The following OR10J1 variants were observed in gnomAD, a reference collection of about 807,000 sequenced individuals.
The protein encoded by OR10J1 is olfactory receptor 10J1.
For synonymous variants in OR10J1, 202 were observed against 143.8 expected, an observed-to-expected ratio of 1.40 and a Z score of -2.89; for missense variants, 474 against 376.6, an observed-to-expected ratio of 1.26 and a Z score of -2.14.
chr1:159,398,197 AG>A, the OR10J1 span, among the ~76,000 whole-genome samples: 1 of 152,192 alleles, frequency 6.6e-6, no homozygotes. Flanking sequence ...TATTGGGCTT[AG>A]GGTGACCCCT....
In OR10J1 at chr1:159,440,010, T is replaced by TA; in HGVS notation, c.220dup (p.Thr74AsnfsTer38). The TA allele has an allele frequency of 6.2e-7, 1 of 1,614,176 alleles. No individual in the cohort carries two copies. Among genetic ancestry groups the TA allele is most frequent in the Non-Finnish European group, 8.5e-7 (1 of 1,180,028 alleles). ...TGCTGTCCACTTCAGAGACTGTATA[T>TA]ACATTGGTCATTCTCCCAAGAATGC... On this transcript the variant is annotated frameshift_variant, in exon 1 of 1. Transcript: ENST00000423932. LOFTEE classifies it low-confidence loss of function (END_TRUNC).
At chr1:159,424,437 TATATAAATATGTAAATATATA>T in the OR10J1 span, among the ~76,000 whole-genome samples, 1 of 112,074 alleles carries the variant, frequency 8.9e-6, no homozygotes, top group Admixed American at 8.8e-5. Flanking sequence ...GTATGTATTA[TATATAAATATGTAAATATATA>T]ATATAAATAT....
At chr1:159,423,524 C>T in the OR10J1 span, among the ~76,000 whole-genome samples, 2 of 152,172 alleles carry the variant, frequency 1.3e-5, no homozygotes, top group Non-Finnish European at 2.9e-5. Context: ...CCCAGGATTG[C>T]ACATTTCTAA....
At chr1:159,397,590 A>G in the OR10J1 span, among the ~76,000 whole-genome samples, 2 of 152,094 alleles carry the variant, frequency 1.3e-5, no homozygotes, top group African/African-American at 4.8e-5. Context: ...TAGGCCTTAA[A>G]GGAATATTGA....
the OR10J1 span, among the ~76,000 whole-genome samples, chr1:159,417,688 G>A: frequency 1.3e-5 from 2 of 152,184 alleles, no homozygotes; most frequent in East Asian, 3.8e-4. Flanking sequence ...TTGGTACCAG[G>A]AGTAGGGTGC....
the OR10J1 span, among the ~76,000 whole-genome samples, chr1:159,421,246 G>T: frequency 6.6e-6 from 1 of 151,154 alleles, no homozygotes; most frequent in African/African-American, 2.4e-5. Flanking sequence ...ATTTCTGTTA[G>T]GTTCTTTTTT....
chr1:159,412,945 A>C, the OR10J1 span, among the ~76,000 whole-genome samples: 1 of 152,058 alleles, frequency 6.6e-6, no homozygotes, highest in Non-Finnish European at 1.5e-5. Flanking sequence ...TCATCTGACA[A>C]AGGGCTAATA....
the OR10J1 span, among the ~76,000 whole-genome samples, chr1:159,425,922 A>G: frequency 6.6e-6 from 1 of 152,050 alleles, no homozygotes; most frequent in Non-Finnish European, 1.5e-5. Context: ...AAAAGGCAAG[A>G]ATTATGTGTG....
the OR10J1 span, among the ~76,000 whole-genome samples, chr1:159,426,681 A>T: frequency 6.6e-6 from 1 of 151,888 alleles, no homozygotes; most frequent in Non-Finnish European, 1.5e-5. Context: ...TCTAAAGCTC[A>T]AACCTTCATA....
At chr1:159,419,924 G>A in the OR10J1 span, among the ~76,000 whole-genome samples, 25 of 152,158 alleles carry the variant, frequency 1.6e-4, 1 homozygote, top group Admixed American at 3.9e-4. Flanking sequence ...AAAGTAGGGC[G>A]TTGAAGTCTC....
At chr1:159,400,075 C>A in the OR10J1 span, among the ~76,000 whole-genome samples, 1 of 151,698 alleles carries the variant, frequency 6.6e-6, no homozygotes, top group African/African-American at 2.4e-5. Context: ...CAGAAAAAAT[C>A]ATCTTTACTA....
At chr1:159,413,290 A>C in the OR10J1 span, among the ~76,000 whole-genome samples, 2 of 152,110 alleles carry the variant, frequency 1.3e-5, no homozygotes, top group African/African-American at 4.8e-5. Context: ...GCGATTCCTC[A>C]GGGATCTAGA....
At chr1:159,411,004 C>A in the OR10J1 span, among the ~76,000 whole-genome samples, 6 of 152,072 alleles carry the variant, frequency 3.9e-5, no homozygotes, top group Non-Finnish European at 7.4e-5. Context: ...TGTAGTTGAG[C>A]GGTTTTGAGT....
chr1:159,403,916 T>C, the OR10J1 span, among the ~76,000 whole-genome samples: 10 of 152,194 alleles, frequency 6.6e-5, no homozygotes, highest in South Asian at 6.2e-4. Context: ...ATACACAATG[T>C]AGTAATGTTC....
chr1:159,403,664 T>C, the OR10J1 span, among the ~76,000 whole-genome samples: 2 of 152,166 alleles, frequency 1.3e-5, no homozygotes, highest in African/African-American at 4.8e-5. Context: ...ACACAGCTGG[T>C]GTGAATGTAA....
chr1:159,435,641 G>A (rs565711975), upstream of OR10J1, among the ~76,000 whole-genome samples: 3 of 152,224 alleles, frequency 2.0e-5, no homozygotes, highest in South Asian at 2.1e-4. Flanking sequence ...CTAACTTTAG[G>A]AACCTCAGTT....
the OR10J1 span, among the ~76,000 whole-genome samples, chr1:159,420,543 C>T: frequency 3.3e-5 from 5 of 152,022 alleles, no homozygotes; most frequent in African/African-American, 1.2e-4. Context: ...CTTTCTTTTG[C>T]TACCAGGCAT....
chr1:159,427,482 C>T, the OR10J1 span, among the ~76,000 whole-genome samples: 6 of 151,566 alleles, frequency 4.0e-5, no homozygotes, highest in Non-Finnish European at 7.4e-5. Flanking sequence ...TACGGAGGAA[C>T]AAAATACTTA....
At chr1:159,437,507 A>G (rs1655770585), upstream of OR10J1, among the ~76,000 whole-genome samples, 1 of 152,234 alleles carries the variant, frequency 6.6e-6, no homozygotes, top group Admixed American at 6.5e-5. Flanking sequence ...TAAAAAATAA[A>G]CCACATGCAC....
Sources: gnomAD v4.1 joint callset for allele counts (sites outside exome capture counted in the v4.1 genomes callset) on GRCh38, gnomAD v4.1.1 for gene constraint, MANE v1.5 for transcripts, NCBI Gene and HGNC (gene_info 2026-07-23, HGNC 2026-07-21) for gene names.